ANKAR: variants seen among roughly 807,000 people sequenced by gnomAD.
ANKAR encodes the protein ankyrin and armadillo repeat containing, also known as ankyrin and armadillo repeat-containing protein.
In ANKAR, 136 loss-of-function variants were observed where a neutral mutation model predicts 146.2. The observed-to-expected ratio is 0.93, with a 90% CI of 0.81 to 1.07. ANKAR has a LOEUF of 1.07. ANKAR is among the 50% of genes least tolerant of loss of function. The probability of loss-of-function intolerance (pLI) is 0.00; values close to 1 mark genes in which losing one functional copy is unlikely to be tolerated. For synonymous variants in ANKAR, 500 were observed against 575.8 expected (o/e 0.87, Z 1.88); for missense variants, 1,567 against 1,679.9 (o/e 0.93, Z 1.18).
chr2:189,706,625 T>C (rs995669445), intron 8 of ANKAR, among the ~76,000 whole-genome samples: 8 of 152,184 alleles, frequency 5.3e-5, no homozygotes, highest in Non-Finnish European at 1.0e-4. Flanking sequence ...TTTGCCTTGC[T>C]TTTTCCTTCA....
intron 9 of ANKAR, among the ~76,000 whole-genome samples, chr2:189,709,536 TA>T (rs1221294234): frequency 6.6e-6 from 1 of 152,044 alleles, no homozygotes; most frequent in Non-Finnish European, 1.5e-5. Context: ...TTGATAAAAA[TA>T]AAAAACTAAA....
chr2:189,703,655 A>T (rs983463880), intron 7 of ANKAR, among the ~76,000 whole-genome samples: 2 of 152,200 alleles, frequency 1.3e-5, no homozygotes, highest in Admixed American at 1.3e-4. Context: ...AAGCAAAGCC[A>T]CTAAGAAGAG....
At chr2:189,708,556 G>A (rs925683179) in intron 9 of ANKAR, among the ~76,000 whole-genome samples, 9 of 152,084 alleles carry the variant, frequency 5.9e-5, no homozygotes, top group Admixed American at 3.9e-4. Context: ...ATTATAAAAT[G>A]GGCTTTGTGT....
chr2:189,760,030 C>T (rs1466302236), intron 18 of ANKAR, among the ~76,000 whole-genome samples: 1 of 152,160 alleles, frequency 6.6e-6, no homozygotes, highest in Non-Finnish European at 1.5e-5. Context: ...ATCCATTTAA[C>T]CCTGAGTTGA....
At chr2:189,745,018 C>CTACTACTACTACTACTACTACTACTAT (rs1559151180) in intron 22 of ANKAR, among the ~76,000 whole-genome samples, 2 of 53,826 alleles carry the variant, frequency 3.7e-5, no homozygotes, top group African/African-American at 7.7e-5. Flanking sequence ...ACTACTACTA[C>CTACTACTACTACTACTACTACTACTAT]TACTACTACT....
chr2:189,744,449 T>C (rs1002374824), intron 21 of ANKAR, among the ~76,000 whole-genome samples: 1 of 152,220 alleles, frequency 6.6e-6, no homozygotes, highest in Non-Finnish European at 1.5e-5. Flanking sequence ...ATATACCCCT[T>C]TCTCAGACCT....
At chr2:189,752,640 T>G in intron 18 of ANKAR, 2 of 1,613,324 alleles carry the variant, frequency 1.2e-6, no homozygotes, top group Non-Finnish European at 1.7e-6. Flanking sequence ...AGATCATGAA[T>G]GATACCACAT....
Position 189,676,525 on chromosome 2 carries a change from T to A in ANKAR, c.35T>A (p.Phe12Tyr), listed in dbSNP as rs763206656. The A allele has an allele frequency of 1.3e-6, 2 of 1,575,550 alleles. No homozygotes were observed. Among genetic ancestry groups the A allele is most frequent in the East Asian group, 2.3e-5 (1 of 44,008 alleles). ...TTGCCCAAAAAAGGATTACCTAGAT[T>A]TGAGCAAGTTCAGGATGAAGACACC... is the stretch of plus-strand genomic sequence containing the variant. ...LRLPKKGLPR[F>Y]EQVQDEDTYL... The change falls in exon 2 of 23, where the codon TTT becomes TAT. Residue 12 changes from phenylalanine (F) to tyrosine (Y), a missense_variant. Phe to Tyr is a conservative substitution (Grantham distance 22, BLOSUM62 3). Coordinates refer to ENST00000684021, the MANE Select transcript of ANKAR (RefSeq NM_001378068.1).
intron 2 of ANKAR, among the ~76,000 whole-genome samples, chr2:189,678,869 G>A (rs2034191340): frequency 6.6e-6 from 1 of 152,156 alleles, no homozygotes; most frequent in African/African-American, 2.4e-5. Context: ...GATGCCTCCA[G>A]ATTTGTTCTT....
chr2:189,745,811 G>T (rs16831955), intron 22 of ANKAR, among the ~76,000 whole-genome samples: 35,834 of 152,046 alleles, frequency 0.24, 4,547 homozygotes, highest in African/African-American at 0.32. Flanking sequence ...GTATATGAGG[G>T]AAGCTAGGTA....
At chr2:189,754,412 A>G in intron 18 of ANKAR, 1 of 1,398,244 alleles carries the variant, frequency 7.2e-7, no homozygotes, top group Middle Eastern at 1.9e-4. Context: ...ATGCAAAGGA[A>G]ATAAATTGAA....
intron 10 of ANKAR, among the ~76,000 whole-genome samples, chr2:189,719,046 G>A (rs2040924799): frequency 6.6e-6 from 1 of 152,162 alleles, no homozygotes; most frequent in African/African-American, 2.4e-5. Flanking sequence ...ACCGCGCCCG[G>A]CCTATTTTCA....
At chr2:189,762,887 C>T (rs2047336878), downstream of ANKAR, 17 of 985,308 alleles carry the variant, frequency 1.7e-5, no homozygotes, top group Non-Finnish European at 2.0e-5. Context: ...GCCGTCTTTG[C>T]CCAAAACGCT....
intron 15 of ANKAR, among the ~76,000 whole-genome samples, chr2:189,729,804 G>C (rs544471748): frequency 6.6e-6 from 1 of 150,996 alleles, no homozygotes; most frequent in Admixed American, 6.7e-5. Flanking sequence ...TCTCTTCATT[G>C]TTCACTGAGA....
In ANKAR at chr2:189,689,829, C is replaced by T. The variant is rs1191965275; in HGVS notation, c.904C>T (p.His302Tyr). 2 of 1,605,066 alleles carry T rather than the reference C, an allele frequency of 1.2e-6. No individual in the cohort carries two copies. Among genetic ancestry groups the T allele is most frequent in the Non-Finnish European group, 1.7e-6 (2 of 1,176,538 alleles). ...TCTTCAAAAAAAGATTATTCAAAAA[C>T]ACTTTGAGAAGAAAAAAGATATCAG... ...LYLQKKIIQK[H>Y]FEKKKDIRRG... Residue 302 changes from histidine (H) to tyrosine (Y), a missense_variant, in exon 3 of 23, where the codon CAC (histidine) becomes TAC (tyrosine). Physicochemically the swap from His to Tyr is moderately conservative, Grantham distance 83. Transcript: ENST00000684021.
chr2:189,695,447 G>A (rs2037062022), intron 6 of ANKAR, among the ~76,000 whole-genome samples: 1 of 152,124 alleles, frequency 6.6e-6, no homozygotes, highest in Non-Finnish European at 1.5e-5. Context: ...ACTCTTTTAA[G>A]GTACGACTAG....
In ANKAR at chr2:189,730,502, C is replaced by G; in HGVS notation, c.3201C>G (p.Ala1067=). The G allele has an allele frequency of 6.3e-7, 1 of 1,593,040 alleles. No homozygotes were observed. Among genetic ancestry groups the G allele is most frequent in the Non-Finnish European group, 8.6e-7 (1 of 1,166,246 alleles). The part of the protein sequence containing the change: ...RAVGSICIGV[A]HTSNPVSQQL... ...TGGCGTGGACTCTTACAGGTGTAGC[C>G]CATACAAGCAATCCTGTCAGTCAAC... Residue 1067 remains alanine (A), a synonymous_variant, in exon 16 of 23, where the codon GCC becomes GCG. Transcript: ENST00000684021.
At chr2:189,696,395 A>G (rs146309203) in intron 7 of ANKAR, 26 bp downstream of exon 7, 42,147 of 1,592,898 alleles carry the variant, frequency 0.026, 679 homozygotes, top group Non-Finnish European at 0.032. Context: ...TTAACCTAAA[A>G]TGTTGTTATT....
chr2:189,688,896 G>A (rs957942996), intron 2 of ANKAR, among the ~76,000 whole-genome samples: 1 of 151,968 alleles, frequency 6.6e-6, no homozygotes, highest in African/African-American at 2.4e-5. Context: ...GTAGTCTTAT[G>A]AGGAGAAAGT....
Sources: gnomAD v4.1 joint callset for allele counts (sites outside exome capture counted in the v4.1 genomes callset) on GRCh38, gnomAD v4.1.1 for gene constraint, MANE v1.5 for transcripts, NCBI Gene and HGNC (gene_info 2026-07-23, HGNC 2026-07-21) for gene names.